ZNRF2: variants seen among roughly 807,000 people sequenced by gnomAD.
The protein encoded by ZNRF2 is zinc and ring finger 2, also known as E3 ubiquitin-protein ligase ZNRF2.
A neutral mutation model predicts 20.4 loss-of-function variants in ZNRF2; 16 were observed. The observed-to-expected ratio is 0.79, with a 90% CI of 0.53 to 1.19. The LOEUF is 1.19. Ranked by LOEUF, ZNRF2 falls within the 50% of genes most tolerant of loss-of-function variation. The pLI, the probability that ZNRF2 is intolerant of heterozygous loss-of-function variation, is 0.00. For synonymous variants in ZNRF2, 178 were observed against 144.9 expected (o/e 1.23, Z -1.64); for missense variants, 363 against 332.4 (o/e 1.09, Z -0.72).
intron 1 of ZNRF2, among the ~76,000 whole-genome samples, chr7:30,316,421 T>C (rs1050238665): frequency 6.6e-6 from 1 of 151,528 alleles, no homozygotes; most frequent in East Asian, 2.0e-4. Flanking sequence ...ATGTCTGTTA[T>C]ACAAATTGTT....
Position 30,293,806 on chromosome 7 carries a change from C to T in ZNRF2, c.469+7980C>T, listed in dbSNP as rs1211148241. 3.9e-5 allele frequency among the ~76,000 whole-genome samples: 6 copies of T among 151,986 alleles called. No individual in the cohort carries two copies. In the East Asian group the frequency reaches 5.8e-4, roughly 15 times the overall value. On this transcript the variant is annotated intron_variant, in intron 1 of 4. Coordinates refer to ENST00000323037, the MANE Select transcript of ZNRF2 (RefSeq NM_147128.4). ...TCATTCAGGGCTCTTTTTTTAGCGA[C>T]GAAAATATTAGTGTGTCAGAAAATT...
intron 1 of ZNRF2, among the ~76,000 whole-genome samples, chr7:30,291,028 T>G (rs919282240): frequency 6.6e-6 from 1 of 152,218 alleles, no homozygotes; most frequent in Non-Finnish European, 1.5e-5. Context: ...TAGTGAAGTA[T>G]CTTTGTCTAG....
At chr7:30,307,428 G>C (rs529524795) in intron 1 of ZNRF2, among the ~76,000 whole-genome samples, 63 of 144,874 alleles carry the variant, frequency 4.3e-4, no homozygotes, top group African/African-American at 1.6e-3. Context: ...TTTCTATATG[G>C]CATTTGGAAT....
chr7:30,285,209 C>G lies in ZNRF2; in HGVS notation c.-149C>G. The G allele has an allele frequency of 1.8e-6, 1 of 558,044 alleles. No homozygotes were observed. The highest frequency in any genetic ancestry group is 2.6e-6 in the Non-Finnish European group (1 of 387,658). 34.6% of individuals were successfully genotyped at this position (558,044 alleles called of 1,614,324 possible). On this transcript the variant is annotated 5_prime_UTR_variant, in exon 1 of 5. Transcript: ENST00000323037. ...AGAGCGCGCCGGGCGCCGACTGCCC[C>G]TCTGGACGCCGGGCGGCGGCCCTGG... is the stretch of plus-strand genomic sequence containing the variant.
intron 2 of ZNRF2, among the ~76,000 whole-genome samples, chr7:30,328,752 G>C (rs1381318492): frequency 6.6e-6 from 1 of 152,124 alleles, no homozygotes; most frequent in African/African-American, 2.4e-5. Flanking sequence ...AGAAGAAATT[G>C]GCTGACTAGG....
At chr7:30,291,969 CT>C (rs1414194628) in intron 1 of ZNRF2, among the ~76,000 whole-genome samples, 1 of 151,812 alleles carries the variant, frequency 6.6e-6, no homozygotes, top group African/African-American at 2.4e-5. Context: ...AAAATAATAC[CT>C]GTTCACTAGA....
At chr7:30,327,291 T>C (rs1448365915) in intron 2 of ZNRF2, among the ~76,000 whole-genome samples, 1 of 152,230 alleles carries the variant, frequency 6.6e-6, no homozygotes, top group Non-Finnish European at 1.5e-5. Context: ...CTTTAATTCA[T>C]CTGGACTTAA....
At chr7:30,359,450 G>C (rs1800092929) in intron 3 of ZNRF2, among the ~76,000 whole-genome samples, 1 of 152,144 alleles carries the variant, frequency 6.6e-6, no homozygotes, top group African/African-American at 2.4e-5. Flanking sequence ...CATTGCATTT[G>C]GTAAATGGGA....
intron 1 of ZNRF2, among the ~76,000 whole-genome samples, chr7:30,301,335 C>T (rs1356080798): frequency 2.0e-5 from 3 of 151,952 alleles, no homozygotes; most frequent in Non-Finnish European, 1.5e-5. Flanking sequence ...TTATAAAAAT[C>T]AGCTGGGTGT....
At chr7:30,301,281 G>A (rs141443581) in intron 1 of ZNRF2, among the ~76,000 whole-genome samples, 28 of 152,164 alleles carry the variant, frequency 1.8e-4, no homozygotes, top group African/African-American at 6.3e-4. Flanking sequence ...TCAGGAGCTC[G>A]GGACCAGCCT....
chr7:30,365,216 G>T (rs554922668), intron 4 of ZNRF2, among the ~76,000 whole-genome samples: 1 of 116,364 alleles, frequency 8.6e-6, no homozygotes, highest in African/African-American at 3.4e-5. Context: ...TCTTTCATCA[G>T]CTAAATTTTT....
At chr7:30,359,399 A>G (rs1310285405) in intron 3 of ZNRF2, among the ~76,000 whole-genome samples, 1 of 152,198 alleles carries the variant, frequency 6.6e-6, no homozygotes, top group East Asian at 1.9e-4. Context: ...GGTATTGGAA[A>G]TAGCGTTCTC....
At chr7:30,292,330 C>CA (rs1798926045) in intron 1 of ZNRF2, among the ~76,000 whole-genome samples, 1 of 152,140 alleles carries the variant, frequency 6.6e-6, no homozygotes, top group African/African-American at 2.4e-5. Flanking sequence ...TTTCTAACAT[C>CA]ACATTAAAAT....
In ZNRF2 at chr7:30,306,741, G is replaced by A. The variant is rs78968043; in HGVS notation, c.470-16901G>A. Among the ~76,000 whole-genome samples the A allele has an allele frequency of 1.6e-4, 24 of 152,206 alleles. No homozygotes were observed. The East Asian group carries it at 3.1e-3, about 20-fold the overall frequency. The stretch of plus-strand genomic sequence containing the variant: ...TTGCACATTGACTTGCCTGTCGACC[G>A]TACTTAAAATTACAGACTTTCTTTG... On this transcript the variant is annotated intron_variant, in intron 1 of 4. Coordinates refer to ENST00000323037, the MANE Select transcript of ZNRF2 (RefSeq NM_147128.4).
intron 2 of ZNRF2, among the ~76,000 whole-genome samples, chr7:30,344,378 A>C (rs1316186101): frequency 6.6e-6 from 1 of 150,906 alleles, no homozygotes; most frequent in African/African-American, 2.4e-5. Context: ...TTATTTTTAG[A>C]TACTGTTTTT....
intron 2 of ZNRF2, among the ~76,000 whole-genome samples, chr7:30,345,887 G>A (rs1055450324): frequency 2.6e-5 from 4 of 152,062 alleles, no homozygotes; most frequent in Admixed American, 6.5e-5. Flanking sequence ...TCCAGATACA[G>A]CATTATCTAT....
intron 3 of ZNRF2, among the ~76,000 whole-genome samples, chr7:30,356,737 G>T (rs369438973): frequency 8.4e-6 from 1 of 118,886 alleles, no homozygotes; most frequent in Non-Finnish European, 1.6e-5. Flanking sequence ...ACGGAGTCTC[G>T]CTCTGTTGCC....
intron 1 of ZNRF2, among the ~76,000 whole-genome samples, chr7:30,287,287 G>T (rs1010871155): frequency 6.6e-6 from 1 of 152,214 alleles, no homozygotes; most frequent in Non-Finnish European, 1.5e-5. Flanking sequence ...GGTGATTAGT[G>T]CGAGAATGAA....
At chr7:30,359,932 T>C (rs1241379007) in intron 3 of ZNRF2, among the ~76,000 whole-genome samples, 6 of 152,198 alleles carry the variant, frequency 3.9e-5, no homozygotes, top group Admixed American at 3.9e-4. Flanking sequence ...CTGTATATTA[T>C]AACTGAAATA....
Sources: allele counts gnomAD v4.1 joint callset (sites outside exome capture counted in the v4.1 genomes callset), GRCh38; gene constraint gnomAD v4.1.1; transcripts MANE v1.5; gene names NCBI Gene and HGNC (gene_info 2026-07-23, HGNC 2026-07-21).